Variants in IL3RA observed in about 807,000 individuals in gnomAD.
The protein encoded by IL3RA is interleukin-3 receptor subunit alpha.
Under a neutral mutation model 52.3 loss-of-function variants are expected in IL3RA, and 73 were observed. The observed-to-expected ratio is 1.40, with a 90% CI of 1.16 to 1.70. The LOEUF (loss-of-function observed/expected upper bound fraction) is 1.70, where lower values mean the gene tolerates loss of function less well. Among genes scored for constraint, IL3RA ranks in the 40% most tolerant of loss-of-function variants. IL3RA has a pLI of 0.00. For synonymous variants in IL3RA, 260 were observed against 194.0 expected (o/e 1.34, Z -2.83); for missense variants, 664 against 504.4 (o/e 1.32, Z -3.03).
intron 10 of IL3RA, among the ~76,000 whole-genome samples, chrX:1,379,322 A>G (rs2089013116): frequency 1.3e-5 from 2 of 151,314 alleles, no homozygotes; most frequent in South Asian, 2.1e-4. Flanking sequence ...CACCCAACTA[A>G]TTCTTGTATT....
chrX:1,350,493 G>T (rs1366036356), intron 4 of IL3RA, among the ~76,000 whole-genome samples: 1 of 151,286 alleles, frequency 6.6e-6, no homozygotes, highest in African/African-American at 2.4e-5. Context: ...GGAGGCTGAG[G>T]CAGGAGAATC....
At chrX:1,348,596 C>T (rs775961982) in intron 4 of IL3RA, 51 bp downstream of exon 4, 26 of 1,294,458 alleles carry the variant, frequency 2.0e-5, no homozygotes, top group Non-Finnish European at 2.8e-5. Context: ...CCCTCCTTCC[C>T]TCTCTCCCTC....
rs756496930 is a variant in IL3RA at position 1,382,455 on chromosome X, A to C, written c.1127A>C (p.Gln376Pro). 1 of 1,613,900 alleles carries C rather than the reference A, an allele frequency of 6.2e-7. No homozygotes were observed. The highest frequency in any genetic ancestry group is 8.5e-7 in the Non-Finnish European group (1 of 1,179,830). The change falls in exon 12 of 12, where the codon CAG (glutamine) becomes CCG (proline). Residue 376 changes from glutamine (Q) to proline (P), a missense_variant. Gln to Pro is a moderately conservative substitution (Grantham distance 76). Coordinates refer to ENST00000331035, the MANE Select transcript of IL3RA (RefSeq NM_002183.4). ...CTGGTGACTGAAGTACAGGTCGTGC[A>C]GAAAACTTGAGACTGGGGTTCAGGG... is the stretch of plus-strand genomic sequence containing the variant. ...ECLVTEVQVV[Q>P]KT
At chrX:1,381,454 G>A (rs1271112559) in intron 11 of IL3RA, among the ~76,000 whole-genome samples, 1 of 152,120 alleles carries the variant, frequency 6.6e-6, no homozygotes, top group Non-Finnish European at 1.5e-5. Context: ...AAAGCTGCAG[G>A]ATGAAGGGAG....
At chrX:1,366,350 C>T (rs866140790) in intron 9 of IL3RA, among the ~76,000 whole-genome samples, 2 of 25,748 alleles carry the variant, frequency 7.8e-5, no homozygotes, top group Non-Finnish European at 1.4e-4. Flanking sequence ...GAGCCGGGTG[C>T]GCGGGGTGAG....
intron 10 of IL3RA, among the ~76,000 whole-genome samples, chrX:1,379,820 C>T (rs1309248520): frequency 2.0e-5 from 3 of 152,152 alleles, no homozygotes; most frequent in Non-Finnish European, 4.4e-5. Flanking sequence ...AGTGCAATGG[C>T]GCCATCTCGG....
intron 2 of IL3RA, among the ~76,000 whole-genome samples, chrX:1,344,214 A>C (rs1603443163): frequency 6.6e-6 from 1 of 151,830 alleles, no homozygotes; most frequent in Admixed American, 6.6e-5. Flanking sequence ...CAGGCAGATC[A>C]TGTGAGGTTG....
intron 3 of IL3RA, among the ~76,000 whole-genome samples, chrX:1,346,109 T>G (rs1270533711): frequency 6.6e-6 from 1 of 150,708 alleles, no homozygotes; most frequent in African/African-American, 2.5e-5. Context: ...GGTCAGGAGT[T>G]CGAGACCAGT....
chrX:1,363,068 G>A (rs772879138), intron 8 of IL3RA, among the ~76,000 whole-genome samples: 4 of 151,992 alleles, frequency 2.6e-5, no homozygotes, highest in Admixed American at 6.6e-5. Context: ...CAGCCACCGC[G>A]CCCGGCCACG....
chrX:1,381,634 T>C (rs2089182119), intron 11 of IL3RA, among the ~76,000 whole-genome samples: 1 of 151,218 alleles, frequency 6.6e-6, no homozygotes, highest in African/African-American at 2.4e-5. Context: ...ACCTTCCCAG[T>C]CCAAGGTTCA....
chrX:1,362,097 T>C (rs1476161153), intron 8 of IL3RA, among the ~76,000 whole-genome samples: 2 of 150,066 alleles, frequency 1.3e-5, no homozygotes, highest in Non-Finnish European at 3.0e-5. Context: ...TCTCTCTCTG[T>C]CCATCACCCA....
Position 1,382,406 on chromosome X carries a change from G to T in IL3RA, c.1078G>T (p.Gly360Cys). 1 of 1,613,786 alleles carries T rather than the reference G, an allele frequency of 6.2e-7. No homozygotes were observed. Among genetic ancestry groups the T allele is most frequent in the Non-Finnish European group, 8.5e-7 (1 of 1,179,748 alleles). The change falls in exon 12 of 12, where the codon GGC becomes TGC. Residue 360 changes from glycine to cysteine, a missense_variant. Physicochemically the swap from Gly to Cys is radical, Grantham distance 159. Transcript: ENST00000331035. ...GTCTCTGCAGGTGGTCTGGGAGGCG[G>T]GCAAAGCCGGCCTGGAGGAGTGTCT... is the stretch of plus-strand genomic sequence containing the variant. ...QNDKLVVWEA[G>C]KAGLEECLVT...
chrX:1,363,360 G>A (rs1402556593), intron 8 of IL3RA, among the ~76,000 whole-genome samples: 1 of 149,946 alleles, frequency 6.7e-6, no homozygotes, highest in Non-Finnish European at 1.5e-5. Flanking sequence ...GAGTGCAGTG[G>A]CGCAATCTCG....
intron 8 of IL3RA, among the ~76,000 whole-genome samples, chrX:1,361,296 T>G (rs2087332873): frequency 6.6e-6 from 1 of 152,102 alleles, no homozygotes; most frequent in African/African-American, 2.4e-5. Flanking sequence ...CCTGTATTAG[T>G]CCATTGTCAC....
chrX:1,361,659 A>T (rs2087385251), intron 8 of IL3RA, among the ~76,000 whole-genome samples: 1 of 150,452 alleles, frequency 6.6e-6, no homozygotes, highest in African/African-American at 2.4e-5. Context: ...AGGCTGAAGC[A>T]GGAGAATCGC....
intron 9 of IL3RA, among the ~76,000 whole-genome samples, chrX:1,367,762 G>A (rs1408243712): frequency 1.4e-5 from 2 of 138,036 alleles, no homozygotes; most frequent in African/African-American, 2.7e-5. Context: ...AGCGGGGTGC[G>A]CCGGGTGAGC....
chrX:1,364,704 C>T (rs2087771764), intron 8 of IL3RA, among the ~76,000 whole-genome samples: 2 of 151,948 alleles, frequency 1.3e-5, no homozygotes, highest in East Asian at 3.9e-4. Flanking sequence ...TGTCAAACTC[C>T]TGGGCTTAAG....
At position 1,361,220 on chromosome X, in the gene IL3RA, CCTTT is replaced by C. The variant is rs1319628351; in HGVS notation, c.759+2336_759+2339del. Among the ~76,000 whole-genome samples the C allele has an allele frequency of 2.0e-5, 3 of 149,456 alleles. 1 individual carries two copies. Among genetic ancestry groups the C allele is most frequent in the African/African-American group, 5.0e-5 (2 of 40,298 alleles). On this transcript the variant is annotated intron_variant, in intron 8 of 11. Coordinates refer to ENST00000331035, the MANE Select transcript of IL3RA (RefSeq NM_002183.4). ...CCATTCCCCTGTCTCTATGTCTCTC[CCTTT>C]CTCTCTCCCATTATTTCTCTGTGAT...
chrX:1,360,763 G>T (rs1244282757), intron 8 of IL3RA, among the ~76,000 whole-genome samples: 1 of 151,578 alleles, frequency 6.6e-6, no homozygotes, highest in Non-Finnish European at 1.5e-5. Flanking sequence ...CCTGACCTCA[G>T]GCGATCCACC....
Sources: allele counts gnomAD v4.1 joint callset (sites outside exome capture counted in the v4.1 genomes callset), GRCh38; gene constraint gnomAD v4.1.1; transcripts MANE v1.5; gene names NCBI Gene and HGNC (gene_info 2026-07-23, HGNC 2026-07-21).